PKN2: variants seen among roughly 807,000 people sequenced by gnomAD.
The protein encoded by PKN2 is protein kinase N2.
A neutral mutation model predicts 119.1 loss-of-function variants in PKN2; 38 were observed. The observed-to-expected ratio is 0.32, with a 90% CI of 0.25 to 0.42. The LOEUF (loss-of-function observed/expected upper bound fraction) is 0.42. Among genes scored for constraint, PKN2 ranks in the 10% least tolerant of loss-of-function variants. The pLI is 1.00. For missense variants in PKN2, 850 were observed against 1,165.1 expected (o/e 0.73, Z 3.94); for synonymous variants, 390 against 384.9 (o/e 1.01, Z -0.15).
intron 8 of PKN2, among the ~76,000 whole-genome samples, chr1:88,798,624 A>C (rs1671186844): frequency 6.6e-6 from 1 of 152,162 alleles, no homozygotes; most frequent in South Asian, 2.1e-4. Context: ...CCAGAATACA[A>C]CACAAAAAGA....
intron 1 of PKN2, among the ~76,000 whole-genome samples, chr1:88,726,772 T>TG (rs1667915290): frequency 6.6e-6 from 1 of 152,038 alleles, no homozygotes; most frequent in African/African-American, 2.4e-5. Context: ...GGTTTTTTTT[T>TG]GAAGAATTGG....
At chr1:88,708,655 T>C (rs900244369) in intron 1 of PKN2, among the ~76,000 whole-genome samples, 2 of 149,482 alleles carry the variant, frequency 1.3e-5, no homozygotes, top group African/African-American at 4.9e-5. Context: ...AGAGATGGGG[T>C]TTCACCATAT....
At chr1:88,778,783 C>T (rs190257598) in intron 6 of PKN2, among the ~76,000 whole-genome samples, 20 of 151,914 alleles carry the variant, frequency 1.3e-4, no homozygotes, top group African/African-American at 3.9e-4. Flanking sequence ...GCGTGATCTC[C>T]GCTCACTGCA....
At chr1:88,697,592 T>C (rs886642565) in intron 1 of PKN2, among the ~76,000 whole-genome samples, 3 of 152,226 alleles carry the variant, frequency 2.0e-5, no homozygotes, top group Non-Finnish European at 4.4e-5. Context: ...TATGTACAAT[T>C]GCTAGATTCA....
chr1:88,687,388 A>G (rs1312047139), intron 1 of PKN2, among the ~76,000 whole-genome samples: 2 of 152,320 alleles, frequency 1.3e-5, no homozygotes, highest in East Asian at 3.9e-4. Context: ...TTTTTATCTC[A>G]TAACTAATTT....
chr1:88,827,611 C>CCCCTTCCCTTCCCTT (rs147919849), intron 18 of PKN2, among the ~76,000 whole-genome samples: 2 of 128,844 alleles, frequency 1.6e-5, no homozygotes, highest in African/African-American at 3.1e-5. Flanking sequence ...TCCCTTCCCT[C>CCCCTTCCCTTCCCTT]CCCTTCCCTT....
At chr1:88,710,808 G>T (rs1052323419) in intron 1 of PKN2, among the ~76,000 whole-genome samples, 1 of 152,084 alleles carries the variant, frequency 6.6e-6, no homozygotes, top group Non-Finnish European at 1.5e-5. Flanking sequence ...GTATATACCC[G>T]AAGGAATATA....
chr1:88,755,307 A>G (rs1669154175), intron 2 of PKN2, among the ~76,000 whole-genome samples: 1 of 152,180 alleles, frequency 6.6e-6, no homozygotes, highest in African/African-American at 2.4e-5. Context: ...GAAGAAAAGC[A>G]GTGTGTAGGA....
chr1:88,729,076 T>C (rs1668022022), intron 1 of PKN2, among the ~76,000 whole-genome samples: 1 of 152,076 alleles, frequency 6.6e-6, no homozygotes, highest in Non-Finnish European at 1.5e-5. Context: ...GTATTTTTAG[T>C]AGAGATGGGG....
At chr1:88,740,089 C>G (rs1668519304) in intron 1 of PKN2, among the ~76,000 whole-genome samples, 1 of 151,916 alleles carries the variant, frequency 6.6e-6, no homozygotes, top group African/African-American at 2.4e-5. Flanking sequence ...TTATAAATAA[C>G]TAGAGATTAA....
intron 1 of PKN2, among the ~76,000 whole-genome samples, chr1:88,720,985 A>G (rs1347733009): frequency 3.9e-5 from 6 of 152,156 alleles, no homozygotes; most frequent in African/African-American, 1.2e-4. Context: ...TTAGTATCAT[A>G]TACACACACA....
At chr1:88,722,704 T>A (rs1667730145) in intron 1 of PKN2, among the ~76,000 whole-genome samples, 1 of 151,612 alleles carries the variant, frequency 6.6e-6, no homozygotes, top group Middle Eastern at 3.4e-3. Flanking sequence ...GATCACTTGA[T>A]CTTGAGGGGT....
chr1:88,821,334 A>G (rs922485109), intron 16 of PKN2, among the ~76,000 whole-genome samples: 34 of 152,212 alleles, frequency 2.2e-4, no homozygotes, highest in African/African-American at 8.2e-4. Flanking sequence ...ATCTCTACCT[A>G]CTTCTCCATC....
chr1:88,706,973 G>A (rs952393987), intron 1 of PKN2, among the ~76,000 whole-genome samples: 5 of 151,816 alleles, frequency 3.3e-5, no homozygotes, highest in Admixed American at 6.6e-5. Context: ...TTGGTCAGAT[G>A]TTTTGGGAAC....
chr1:88,752,178 T>C (rs1669029057), intron 2 of PKN2, among the ~76,000 whole-genome samples: 1 of 152,154 alleles, frequency 6.6e-6, no homozygotes, highest in African/African-American at 2.4e-5. Context: ...TATTAATTTC[T>C]TCAAATCTAT....
At chr1:88,718,321 C>T (rs112013993) in intron 1 of PKN2, among the ~76,000 whole-genome samples, 6 of 152,110 alleles carry the variant, frequency 3.9e-5, no homozygotes, top group East Asian at 1.9e-4. Flanking sequence ...TCTCAAACTC[C>T]GTCCTGGGAG....
At chr1:88,739,328 A>C (rs1668484557) in intron 1 of PKN2, among the ~76,000 whole-genome samples, 1 of 151,928 alleles carries the variant, frequency 6.6e-6, no homozygotes, top group African/African-American at 2.4e-5. Context: ...AAAGAGATTT[A>C]TAGAAATCAA....
intron 1 of PKN2, among the ~76,000 whole-genome samples, chr1:88,721,768 T>C (rs1667690320): frequency 6.6e-6 from 1 of 152,192 alleles, no homozygotes; most frequent in Non-Finnish European, 1.5e-5. Flanking sequence ...AGCTAGAAGG[T>C]AACTGGTTGA....
chr1:88,684,680 GC>G, intron 1 of PKN2, 52 bp downstream of exon 1: 1 of 1,429,994 alleles, frequency 7.0e-7, no homozygotes, highest in Non-Finnish European at 9.2e-7. Context: ...CAGGGAGAGA[GC>G]CCCGCGCGGC....
Sources: gnomAD v4.1 joint callset for allele counts (sites outside exome capture counted in the v4.1 genomes callset) on GRCh38, gnomAD v4.1.1 for gene constraint, MANE v1.5 for transcripts, NCBI Gene and HGNC (gene_info 2026-07-23, HGNC 2026-07-21) for gene names.